NDUFA13: variants seen among roughly 807,000 people sequenced by gnomAD.
The protein encoded by NDUFA13 is NADH:ubiquinone oxidoreductase subunit A13, also known as NADH dehydrogenase [ubiquinone] 1 alpha subcomplex subunit 13.
A neutral mutation model predicts 17.0 loss-of-function variants in NDUFA13; 16 were observed. That is an observed-to-expected ratio of 0.94 (90% CI 0.64 to 1.43). The LOEUF (loss-of-function observed/expected upper bound fraction) is 1.43. Ranked by LOEUF, NDUFA13 falls within the 40% of genes most tolerant of loss-of-function variation. The pLI is 0.00. For synonymous variants in NDUFA13, 87 were observed against 78.4 expected (o/e 1.11, Z -0.58); for missense variants, 228 against 206.7 (o/e 1.10, Z -0.63).
At chr19:19,519,880 C>T (rs2061068582) in intron 1 of NDUFA13, among the ~76,000 whole-genome samples, 1 of 152,208 alleles carries the variant, frequency 6.6e-6, no homozygotes, top group Non-Finnish European at 1.5e-5. Flanking sequence ...CCAAGCCTGG[C>T]ACCCACTCCC....
chr19:19,520,996 G>T (rs551293556), intron 1 of NDUFA13, among the ~76,000 whole-genome samples: 1 of 152,334 alleles, frequency 6.6e-6, no homozygotes, highest in East Asian at 1.9e-4. Context: ...GATTCATGCT[G>T]TACAGGTGTT....
chr19:19,516,764 A>G (rs1490611650), intron 1 of NDUFA13, among the ~76,000 whole-genome samples: 4 of 152,170 alleles, frequency 2.6e-5, no homozygotes, highest in Non-Finnish European at 4.4e-5. Context: ...GCATGGTGTC[A>G]CAGGAATCCA....
chr19:19,526,535 G>T (rs2061100430), intron 2 of NDUFA13: 1 of 501,184 alleles, frequency 2.0e-6, no homozygotes, highest in African/African-American at 1.9e-5. Context: ...CTGGGCAACA[G>T]AGGGAAACCC....
At chr19:19,519,182 C>T (rs545801095) in intron 1 of NDUFA13, among the ~76,000 whole-genome samples, 16 of 152,002 alleles carry the variant, frequency 1.1e-4, no homozygotes, top group African/African-American at 2.7e-4. Flanking sequence ...TGAGCCACCA[C>T]GCCTGGCCGA....
chr19:19,521,922 T>G (rs143568893), intron 1 of NDUFA13, among the ~76,000 whole-genome samples: 7 of 152,262 alleles, frequency 4.6e-5, no homozygotes, highest in Non-Finnish European at 8.8e-5. Context: ...TTTTAAATTA[T>G]TGAATTATTG....
At chr19:19,522,477 C>CTTT (rs3067694) in intron 1 of NDUFA13, among the ~76,000 whole-genome samples, 15 of 95,036 alleles carry the variant, frequency 1.6e-4, no homozygotes, top group African/African-American at 6.2e-4. Context: ...GTCTTTGATC[C>CTTT]TTTTTTTTTT....
chr19:19,527,832 G>T (rs1443258190), intron 4 of NDUFA13, 62 bp downstream of exon 4: 1 of 1,519,658 alleles, frequency 6.6e-7, no homozygotes, highest in East Asian at 2.4e-5. Flanking sequence ...TGGGGTTGGG[G>T]AGCTCCCACA....
intron 1 of NDUFA13, among the ~76,000 whole-genome samples, chr19:19,525,602 C>T (rs1238667545): frequency 6.6e-6 from 1 of 152,202 alleles, no homozygotes. Flanking sequence ...GCCCAGGCCT[C>T]TCTGAAGATC....
Position 19,516,350 on chromosome 19 carries a change from C to T in NDUFA13, c.94+18C>T. On this transcript the variant is annotated intron_variant, in intron 1 of 4. Coordinates refer to ENST00000507754, the MANE Select transcript of NDUFA13 (RefSeq NM_015965.7). ...ACTGTCGGGTCAGTATCACTCTGCG[C>T]CGGGGTCTCAGAGTCTGGGCACTCG... is the stretch of plus-strand genomic sequence containing the variant. The T allele has an allele frequency of 6.2e-7, 1 of 1,612,550 alleles. No individual in the cohort carries two copies. The highest frequency in any genetic ancestry group is 8.5e-7 in the Non-Finnish European group (1 of 1,179,594).
intron 3 of NDUFA13, 98 bp downstream of exon 3, chr19:19,527,450 G>A: frequency 7.0e-7 from 1 of 1,420,858 alleles, no homozygotes; most frequent in Non-Finnish European, 9.9e-7. Context: ...AATGCACGTG[G>A]GGGCCATCGC....
At chr19:19,527,201 C>T in intron 2 of NDUFA13, 80 bp from the exon 3 acceptor site, 9 of 1,489,836 alleles carry the variant, frequency 6.0e-6, no homozygotes, top group Non-Finnish European at 6.5e-6. Flanking sequence ...CAGCAGCACC[C>T]TGGCCCCTGA....
rs951220677 is a variant in NDUFA13 at position 19,528,157 on chromosome 19, G to C, written c.*31G>C. On this transcript the variant is annotated 3_prime_UTR_variant, in exon 5 of 5. Coordinates refer to ENST00000507754, the MANE Select transcript of NDUFA13 (RefSeq NM_015965.7). Reference sequence around the variant, plus strand: ...GTGCCCTCCGGCCACCTGGATCCCTGCCCCTCCCCACTGGGACGGAATAAA... The same window carrying C: ...GTGCCCTCCGGCCACCTGGATCCCTCCCCCTCCCCACTGGGACGGAATAAA... 2 of 1,610,098 alleles carry C rather than the reference G, an allele frequency of 1.2e-6. No homozygotes were observed. Among genetic ancestry groups the C allele is most frequent in the African/African-American group, 1.3e-5 (1 of 74,968 alleles).
At chr19:19,519,066 T>TTTG (rs2061064373) in intron 1 of NDUFA13, among the ~76,000 whole-genome samples, 1 of 148,230 alleles carries the variant, frequency 6.7e-6, no homozygotes, top group African/African-American at 2.5e-5. Flanking sequence ...TTTTTTTGTA[T>TTTG]TTTTAGTAGT....
chr19:19,528,007 G>A lies in NDUFA13; in HGVS notation c.316G>A (p.Val106Met), dbSNP rs1222267493. Residue 106 changes from valine to methionine, a missense_variant and splice_region_variant, in exon 5 of 5, where the codon GTG becomes ATG. By Grantham distance (21) the Val-to-Met change is conservative (BLOSUM62 1). Coordinates refer to ENST00000507754, the MANE Select transcript of NDUFA13 (RefSeq NM_015965.7). ...TACCCATACCCCACTGTCCCCACAG[G>A]TGGGGGAGTCTGTGTTCCACACAAC... ...IIMKDVPDWK[V>M]GESVFHTTRW... 6.2e-7 allele frequency: 1 copy of A among 1,612,756 alleles called. No individual in the cohort carries two copies. Among genetic ancestry groups the A allele is most frequent in the Admixed American group, 1.7e-5 (1 of 59,994 alleles).
chr19:19,528,054 C>G lies in NDUFA13; in HGVS notation c.363C>G (p.Ile121Met), dbSNP rs778543754. The G allele has an allele frequency of 1.9e-6, 3 of 1,612,292 alleles. No individual in the cohort carries two copies. The highest frequency in any genetic ancestry group is 1.7e-6 in the Non-Finnish European group (2 of 1,179,904). The stretch of plus-strand genomic sequence containing the variant: ...CAACCCGCTGGGTGCCCCCCTTGAT[C>G]GGGGAGCTGTACGGGCTGCGCACCA... ...FHTTRWVPPLIGELYGLRTTE... is the reference protein window; with the variant it reads ...FHTTRWVPPLMGELYGLRTTE... Residue 121 changes from isoleucine to methionine, a missense_variant, in exon 5 of 5, where the codon ATC becomes ATG. Coordinates refer to ENST00000507754, the MANE Select transcript of NDUFA13 (RefSeq NM_015965.7).
intron 3 of NDUFA13, 42 bp downstream of exon 3, chr19:19,527,394 AGGCCCCAGGCTGCAGGGC>A: frequency 6.2e-7 from 1 of 1,607,626 alleles, no homozygotes; most frequent in Non-Finnish European, 8.5e-7. Context: ...ACTGGCCGGA[AGGCCCCAGGCTGCAGGGC>A]CTGACCTGCA....
At position 19,519,070 on chromosome 19, in the gene NDUFA13, T is replaced by C. The variant is rs868773793; in HGVS notation, c.94+2738T>C. On this transcript the variant is annotated intron_variant, in intron 1 of 4. Coordinates refer to ENST00000507754, the MANE Select transcript of NDUFA13 (RefSeq NM_015965.7). ...ATTTTTTTTTTTTTTTTTGTATTTT[T>C]AGTAGTGACAGGGTTTCACCATGTA... Among the ~76,000 whole-genome samples, 63 of 147,028 alleles carry C rather than the reference T, an allele frequency of 4.3e-4. 1 individual carries two copies. The highest frequency in any genetic ancestry group is 1.5e-3 in the African/African-American group (58 of 37,912).
chr19:19,521,016 G>A (rs1397603178), intron 1 of NDUFA13, among the ~76,000 whole-genome samples: 1 of 152,232 alleles, frequency 6.6e-6, no homozygotes, highest in Non-Finnish European at 1.5e-5. Flanking sequence ...TTGTATGGAT[G>A]TAGATTTTCA....
intron 1 of NDUFA13, among the ~76,000 whole-genome samples, chr19:19,521,135 A>C (rs900480798): frequency 3.9e-5 from 6 of 152,182 alleles, no homozygotes; most frequent in African/African-American, 1.4e-4. Context: ...TGGCTGCACC[A>C]TTTTGTGCTT....
Sources: gnomAD v4.1 joint callset for allele counts (sites outside exome capture counted in the v4.1 genomes callset) on GRCh38, gnomAD v4.1.1 for gene constraint, MANE v1.5 for transcripts, NCBI Gene and HGNC (gene_info 2026-07-23, HGNC 2026-07-21) for gene names.